Variants in KRABD5 observed in about 807,000 individuals in gnomAD.
KRABD5 encodes KRAB domain-containing protein 5.
the KRABD5 span, among the ~76,000 whole-genome samples, chr16:31,716,232 G>C: frequency 2.6e-5 from 4 of 152,112 alleles, no homozygotes; most frequent in Admixed American, 2.6e-4. Flanking sequence ...GGACCACCCA[G>C]TCATAGTCTC....
the KRABD5 span, among the ~76,000 whole-genome samples, chr16:31,716,450 T>C: frequency 6.6e-6 from 1 of 152,178 alleles, no homozygotes; most frequent in Non-Finnish European, 1.5e-5. Flanking sequence ...GGCATGATCA[T>C]GCAGTCTTGA....
chr16:31,716,911 A>G, the KRABD5 span, among the ~76,000 whole-genome samples: 1 of 150,916 alleles, frequency 6.6e-6, no homozygotes, highest in South Asian at 2.1e-4. Context: ...GAATTTTTGT[A>G]TGTAAGTTTT....
chr16:31,734,439 A>G, the KRABD5 span, among the ~76,000 whole-genome samples: 1 of 152,032 alleles, frequency 6.6e-6, no homozygotes, highest in Non-Finnish European at 1.5e-5. Flanking sequence ...TTTTGCAGAG[A>G]TAGGGTCTCA....
chr16:31,718,741 C>T, the KRABD5 span, among the ~76,000 whole-genome samples: 3 of 152,200 alleles, frequency 2.0e-5, no homozygotes, highest in African/African-American at 7.2e-5. Context: ...ACTTTGTATC[C>T]TGGCCCCACA....
chr16:31,739,518 G>A, the KRABD5 span, among the ~76,000 whole-genome samples: 1 of 151,738 alleles, frequency 6.6e-6, no homozygotes, highest in Non-Finnish European at 1.5e-5. Flanking sequence ...ATTATAATGT[G>A]TCTTGTTGTG....
At chr16:31,744,971 TC>T in the KRABD5 span, among the ~76,000 whole-genome samples, 1 of 152,208 alleles carries the variant, frequency 6.6e-6, no homozygotes, top group Non-Finnish European at 1.5e-5. Context: ...AGTGGTGGTA[TC>T]CCCTTTATCA....
the KRABD5 span, chr16:31,754,515 A>T: frequency 1.1e-4 from 66 of 609,694 alleles, no homozygotes; most frequent in African/African-American, 1.1e-3. Flanking sequence ...CCCAGAAGAC[A>T]TCAGAAAACT....
chr16:31,714,393 ACCTGCT>A, the KRABD5 span: 1 of 456,306 alleles, frequency 2.2e-6, no homozygotes, highest in Non-Finnish European at 4.4e-6. Flanking sequence ...CTGGCTGGGC[ACCTGCT>A]CCTGTCCCTT....
At chr16:31,716,121 C>T in the KRABD5 span, among the ~76,000 whole-genome samples, 3 of 152,154 alleles carry the variant, frequency 2.0e-5, no homozygotes, top group African/African-American at 7.2e-5. Flanking sequence ...AGTTTCCTGC[C>T]AAAATTCCCA....
chr16:31,750,381 T>A, the KRABD5 span, among the ~76,000 whole-genome samples: 2 of 152,200 alleles, frequency 1.3e-5, no homozygotes, highest in Non-Finnish European at 2.9e-5. Context: ...AGTTTTGTAC[T>A]TTGATTTTGT....
chr16:31,741,369 T>G, the KRABD5 span, among the ~76,000 whole-genome samples: 1 of 152,190 alleles, frequency 6.6e-6, no homozygotes, highest in Non-Finnish European at 1.5e-5. Context: ...CTGAGTTCTT[T>G]CAGAAATCTC....
the KRABD5 span, among the ~76,000 whole-genome samples, chr16:31,730,228 A>ACT: frequency 1.3e-4 from 20 of 151,022 alleles, no homozygotes; most frequent in Non-Finnish European, 2.1e-4. Context: ...AATTCCTTTA[A>ACT]TTTTTTTTTT....
the KRABD5 span, among the ~76,000 whole-genome samples, chr16:31,741,961 A>G: frequency 1.3e-5 from 2 of 152,032 alleles, no homozygotes; most frequent in Admixed American, 6.6e-5. Context: ...GTTAATTTTT[A>G]TATATGGTGA....
At chr16:31,733,444 A>G in the KRABD5 span, 3 of 442,656 alleles carry the variant, frequency 6.8e-6, no homozygotes, top group South Asian at 1.6e-5. Flanking sequence ...TTAAGTGTAC[A>G]GTTTATTAGT....
chr16:31,713,986 C>T, the KRABD5 span, among the ~76,000 whole-genome samples: 2 of 152,240 alleles, frequency 1.3e-5, no homozygotes, highest in African/African-American at 4.8e-5. Flanking sequence ...CTCTCTTCCA[C>T]TTTGGCTGTA....
the KRABD5 span, chr16:31,759,487 T>C: frequency 2.2e-6 from 3 of 1,360,582 alleles, no homozygotes; most frequent in African/African-American, 4.3e-5. Context: ...TATGGGTCTA[T>C]TTATTTGTCT....
the KRABD5 span, among the ~76,000 whole-genome samples, chr16:31,719,570 A>G: frequency 2.0e-5 from 3 of 152,152 alleles, no homozygotes; most frequent in Non-Finnish European, 4.4e-5. Context: ...CCGTGTCCCT[A>G]GCCTTGCTCT....
chr16:31,714,641 T>C, the KRABD5 span, among the ~76,000 whole-genome samples: 1 of 152,144 alleles, frequency 6.6e-6, no homozygotes, highest in Admixed American at 6.5e-5. Flanking sequence ...ACCTCAGTCT[T>C]ATTTGAGCCT....
At chr16:31,735,237 G>A in the KRABD5 span, among the ~76,000 whole-genome samples, 1 of 151,890 alleles carries the variant, frequency 6.6e-6, no homozygotes, top group African/African-American at 2.4e-5. Flanking sequence ...GCAAAGGACA[G>A]GATTTTATTC....
Sources: gnomAD v4.1 joint callset for allele counts (sites outside exome capture counted in the v4.1 genomes callset) on GRCh38, gnomAD v4.1.1 for gene constraint, MANE v1.5 for transcripts, NCBI Gene and HGNC (gene_info 2026-07-23, HGNC 2026-07-21) for gene names.